Variants in PPAT observed in about 807,000 individuals in gnomAD.
PPAT encodes the protein amidophosphoribosyltransferase.
PPAT carries 20 observed loss-of-function variants against 60.2 expected under a neutral mutation model. The ratio of observed to expected loss-of-function variants is 0.33; its 90% CI spans 0.23 to 0.48. The LOEUF (loss-of-function observed/expected upper bound fraction) is 0.48, where lower values mean the gene tolerates loss of function less well. PPAT is among the 20% of genes least tolerant of loss of function. The pLI is 0.99. For synonymous variants in PPAT, 194 were observed against 215.1 expected (o/e 0.90, Z 0.86); for missense variants, 349 against 629.6 (o/e 0.55, Z 4.77).
chr4:56,416,450 T>TTTA (rs1414731148), intron 1 of PPAT: 1 of 443,610 alleles, frequency 2.3e-6, no homozygotes, highest in Non-Finnish European at 3.0e-6. Context: ...TATAGTATAA[T>TTTA]GGATGGGACA....
intron 1 of PPAT, among the ~76,000 whole-genome samples, chr4:56,432,985 C>T (rs1487325432): frequency 6.8e-6 from 1 of 146,812 alleles, no homozygotes; most frequent in Non-Finnish European, 1.5e-5. Flanking sequence ...TATATACATA[C>T]ACACACGTAT....
chr4:56,423,832 C>T (rs1215685024), intron 1 of PPAT, among the ~76,000 whole-genome samples: 1 of 151,888 alleles, frequency 6.6e-6, no homozygotes, highest in South Asian at 2.1e-4. Flanking sequence ...CAGCTAAATA[C>T]GTAAGAAAAA....
At chr4:56,428,977 G>C (rs1342627965) in intron 1 of PPAT, 1 of 979,640 alleles carries the variant, frequency 1.0e-6, no homozygotes, top group African/African-American at 1.8e-5. Context: ...AAGGAACTTT[G>C]AGCTTCAAGA....
At chr4:56,427,642 T>TAAA (rs3036919) in intron 1 of PPAT, among the ~76,000 whole-genome samples, 1 of 140,498 alleles carries the variant, frequency 7.1e-6, no homozygotes, top group African/African-American at 2.7e-5. Context: ...CCCTGTCTCT[T>TAAA]AAAAAAAAAA....
intron 6 of PPAT, 34 bp downstream of exon 6, chr4:56,402,075 G>A (rs1371928721): frequency 6.8e-7 from 1 of 1,474,358 alleles, no homozygotes; most frequent in Non-Finnish European, 9.2e-7. Context: ...TTCAACATGG[G>A]AAAATAAAAT....
At chr4:56,425,286 A>G (rs1283837189) in intron 1 of PPAT, 1 of 161,632 alleles carries the variant, frequency 6.2e-6, no homozygotes, top group African/African-American at 2.4e-5. Flanking sequence ...TAATTTGTAT[A>G]ATCTTAGCAG....
intron 7 of PPAT, 49 bp from the exon 8 acceptor site, chr4:56,400,960 A>G: frequency 6.5e-7 from 1 of 1,543,604 alleles, no homozygotes; most frequent in Non-Finnish European, 8.9e-7. Flanking sequence ...AGCATGATAT[A>G]ACAGTGTTAT....
Position 56,400,929 on chromosome 4 carries a change from G to A in PPAT, c.887-18C>T. 6.2e-7 allele frequency: 1 copy of A among 1,600,322 alleles called. No individual in the cohort carries two copies. The highest frequency in any genetic ancestry group is 8.6e-7 in the Non-Finnish European group (1 of 1,168,256). ...CATTTGGTCTGGTGTGTTTGGAAAAGGAGAGAGAGTATTTTTACTTAGCAT... is the reference window on the plus strand; with the variant it reads ...CATTTGGTCTGGTGTGTTTGGAAAAAGAGAGAGAGTATTTTTACTTAGCAT... On this transcript the variant is annotated intron_variant, in intron 7 of 10. Coordinates refer to ENST00000264220, the MANE Select transcript of PPAT (RefSeq NM_002703.5).
At chr4:56,412,779 C>CTGG (rs1716526529) in intron 1 of PPAT, among the ~76,000 whole-genome samples, 2 of 152,142 alleles carry the variant, frequency 1.3e-5, no homozygotes. Flanking sequence ...TTCATCATGT[C>CTGG]TCATATGGAA....
At chr4:56,426,088 C>T (rs1578135112) in intron 1 of PPAT, among the ~76,000 whole-genome samples, 2 of 152,102 alleles carry the variant, frequency 1.3e-5, no homozygotes, top group South Asian at 2.1e-4. Flanking sequence ...CATTTTAGAA[C>T]ATTTTGATCA....
rs1376831917 is a variant in PPAT, at chr4:56,407,719, G to A, written c.129-3C>T. 1 of 1,595,722 alleles carries A rather than the reference G, an allele frequency of 6.3e-7. No individual in the cohort carries two copies. On this transcript the variant is annotated splice_region_variant and splice_polypyrimidine_tract_variant and intron_variant, in intron 1 of 10. Coordinates refer to ENST00000264220, the MANE Select transcript of PPAT (RefSeq NM_002703.5). ...CAATACCAGCACTCTCCTGACCCCT[G>A]TGAATATAAAAAGATATTAGCTGTT...
chr4:56,432,257 G>A (rs1208234325), intron 1 of PPAT, among the ~76,000 whole-genome samples: 1 of 152,110 alleles, frequency 6.6e-6, no homozygotes, highest in Non-Finnish European at 1.5e-5. Flanking sequence ...GCCAGGCATG[G>A]TGGCTCACGC....
intron 1 of PPAT, among the ~76,000 whole-genome samples, chr4:56,408,616 T>C (rs970589700): frequency 6.6e-6 from 1 of 150,830 alleles, no homozygotes; most frequent in African/African-American, 2.4e-5. Flanking sequence ...GAGCCGGGCG[T>C]GGTGGCGGGC....
At chr4:56,410,492 A>C (rs915246383) in intron 1 of PPAT, 2 of 983,800 alleles carry the variant, frequency 2.0e-6, no homozygotes, top group Admixed American at 6.1e-5. Context: ...GGAAATAGTG[A>C]ATCATTTCCA....
At position 56,395,479 on chromosome 4, in the gene PPAT, T is replaced by A; in HGVS notation, c.1427A>T (p.Lys476Ile). The A allele has an allele frequency of 6.2e-7, 1 of 1,612,808 alleles. No individual in the cohort carries two copies. The highest frequency in any genetic ancestry group is 8.5e-7 in the Non-Finnish European group (1 of 1,179,378). ...ATCGTGCTTTTTCTCTTTCTGTTTT[T>A]TAAACTTTATCCCTTCTTGTACAGA... ...VSSVQEGIKFKKQKEKKHDIM... is the reference protein window; with the variant it reads ...VSSVQEGIKFIKQKEKKHDIM... Residue 476 changes from lysine to isoleucine, a missense_variant, in exon 11 of 11, where the codon AAA becomes ATA. This residue lies in a region of PPAT where 167 missense variants were observed against 328.6 expected (regional missense o/e 0.51). Coordinates refer to ENST00000264220, the MANE Select transcript of PPAT (RefSeq NM_002703.5).
intron 1 of PPAT, among the ~76,000 whole-genome samples, chr4:56,430,778 CAATATAT>C (rs916161467): frequency 2.6e-5 from 4 of 151,204 alleles, no homozygotes; most frequent in African/African-American, 9.7e-5. Flanking sequence ...TTAGACCTTA[CAATATAT>C]AAGTCTAGGC....
intron 9 of PPAT, among the ~76,000 whole-genome samples, chr4:56,397,138 TCA>T (rs34291736): frequency 0.22 from 33,090 of 151,990 alleles, 4,051 homozygotes; most frequent in East Asian, 0.38. Flanking sequence ...ATGGCTATAC[TCA>T]GTGTCCACAT....
intron 2 of PPAT, 51 bp from the exon 3 acceptor site, chr4:56,406,752 G>T: frequency 3.1e-6 from 4 of 1,292,612 alleles, no homozygotes. Context: ...AGTACTGCTA[G>T]TAATAAACGC....
chr4:56,402,062 C>A (rs758408689), intron 6 of PPAT, 47 bp downstream of exon 6: 9 of 1,426,296 alleles, frequency 6.3e-6, no homozygotes, highest in East Asian at 4.6e-5. Flanking sequence ...AAAAAAAATT[C>A]TTTTCAACAT....
Sources: gnomAD v4.1 joint callset for allele counts (sites outside exome capture counted in the v4.1 genomes callset) on GRCh38, gnomAD v4.1.1 for gene constraint, gnomAD v4.1.1 regional missense constraint, MANE v1.5 for transcripts, NCBI Gene and HGNC (gene_info 2026-07-23, HGNC 2026-07-21) for gene names.